The following NECTIN3 variants were observed in gnomAD, a reference collection of about 807,000 sequenced individuals.
The protein encoded by NECTIN3 is nectin-3.
In NECTIN3, 8 loss-of-function variants were observed where a neutral mutation model predicts 49.4. That is an observed-to-expected ratio of 0.16 (90% CI 0.10 to 0.29). The LOEUF (loss-of-function observed/expected upper bound fraction) is 0.29, where lower values mean the gene tolerates loss of function less well. NECTIN3 is among the 10% of genes least tolerant of loss of function. The probability of loss-of-function intolerance (pLI) is 1.00; values close to 1 mark genes in which losing one functional copy is unlikely to be tolerated. For missense variants in NECTIN3, 581 were observed against 654.6 expected (o/e 0.89, Z 1.23); for synonymous variants, 277 against 241.1 (o/e 1.15, Z -1.38).
chr3:111,191,811 TGCA>T (rs886337745), upstream of NECTIN3, among the ~76,000 whole-genome samples: 6 of 152,198 alleles, frequency 3.9e-5, no homozygotes, highest in Admixed American at 1.3e-4. Context: ...TGAGAACTTC[TGCA>T]GCAGATGTTG....
intron 1 of NECTIN3, among the ~76,000 whole-genome samples, chr3:111,109,655 C>G (rs1266253304): frequency 6.6e-6 from 1 of 151,948 alleles, no homozygotes; most frequent in East Asian, 1.9e-4. Context: ...ATAGCACATC[C>G]TATTATATAT....
At chr3:111,169,677 T>C (rs2107525834) in intron 7 of NECTIN3, among the ~76,000 whole-genome samples, 1 of 152,278 alleles carries the variant, frequency 6.6e-6, no homozygotes, top group African/African-American at 2.4e-5. Context: ...ACATTCTATT[T>C]ATCTCCTAAC....
chr3:111,105,235 C>T (rs141148745), intron 1 of NECTIN3, among the ~76,000 whole-genome samples: 3,662 of 151,478 alleles, frequency 0.024, 67 homozygotes, highest in Non-Finnish European at 0.04. Context: ...CTCTGCCTCT[C>T]AGACTCAAGC....
intron 5 of NECTIN3, 148 bp downstream of exon 5, chr3:111,126,483 T>TA (rs1559795560): frequency 1.4e-6 from 1 of 693,312 alleles, no homozygotes; most frequent in East Asian, 3.0e-5. Context: ...AGGAATATGA[T>TA]AAAATAATCC....
At chr3:111,102,375 A>T (rs2032951436) in intron 1 of NECTIN3, among the ~76,000 whole-genome samples, 1 of 152,152 alleles carries the variant, frequency 6.6e-6, no homozygotes, top group South Asian at 2.1e-4. Context: ...TAATCCTTTC[A>T]TCCTACTTCC....
At chr3:111,127,756 G>A (rs897901020) in intron 5 of NECTIN3, among the ~76,000 whole-genome samples, 1 of 151,736 alleles carries the variant, frequency 6.6e-6, no homozygotes, top group African/African-American at 2.4e-5. Context: ...TAGAGACAGG[G>A]GTGGTCTCTC....
Position 111,133,921 on chromosome 3 carries a change from A to G in NECTIN3, c.1356A>G (p.Glu452=). 1 of 1,613,972 alleles carries G rather than the reference A, an allele frequency of 6.2e-7. No homozygotes were observed. The highest frequency in any genetic ancestry group is 1.3e-5 in the African/African-American group (1 of 75,034). Residue 452 remains glutamate, a synonymous_variant, in exon 6 of 6, where the codon GAA becomes GAG. Transcript: ENST00000485303. ...TTCCACCATCAGATATGCAAAAAGAATCACAAATAGATGTTCTTCAACAAG... is the reference window on the plus strand; with the variant it reads ...TTCCACCATCAGATATGCAAAAAGAGTCACAAATAGATGTTCTTCAACAAG... ...NYIPPSDMQK[E]SQIDVLQQDE... is the part of the protein sequence containing the mutation.
chr3:111,168,285 T>TCCTATAA (rs1304766041), intron 7 of NECTIN3, among the ~76,000 whole-genome samples: 7 of 152,162 alleles, frequency 4.6e-5, no homozygotes, highest in Admixed American at 4.6e-4. Context: ...AGTAGGTTTT[T>TCCTATAA]AAAATAGGAA....
intron 1 of NECTIN3, among the ~76,000 whole-genome samples, chr3:111,100,682 TTAAA>T (rs563642812): frequency 6.8e-4 from 103 of 152,196 alleles, no homozygotes; most frequent in Non-Finnish European, 1.3e-3. Context: ...ATTTAAATAT[TTAAA>T]TAGTAATTTA....
rs569973975 is a variant in NECTIN3 at position 111,134,330 on chromosome 3, GCTTA to G, written c.*119_*122del. The G allele has an allele frequency of 3.4e-5, 49 of 1,440,560 alleles. No homozygotes were observed. In the East Asian group the frequency reaches 1.1e-3, roughly 31 times the overall value. 89.2% of individuals were successfully genotyped at this position (1,440,560 alleles called of 1,614,324 possible). On this transcript the variant is annotated 3_prime_UTR_variant, in exon 6 of 6. Coordinates refer to ENST00000485303, the MANE Select transcript of NECTIN3 (RefSeq NM_015480.3). Reference sequence around the variant, plus strand: ...TAAGCTTTTTCAAGTTGATTTTCAAGCTTACTTTTTATATTCTAATCTGACAAAT... The same window carrying G: ...TAAGCTTTTTCAAGTTGATTTTCAAGCTTTTTATATTCTAATCTGACAAAT...
chr3:111,127,664 C>T (rs1420963551), intron 5 of NECTIN3, among the ~76,000 whole-genome samples: 1 of 151,966 alleles, frequency 6.6e-6, no homozygotes, highest in Non-Finnish European at 1.5e-5. Context: ...CTCCCGGGCT[C>T]AAGCAATCCT....
chr3:111,140,839 T>C (rs2034724898), downstream of NECTIN3, among the ~76,000 whole-genome samples: 1 of 151,992 alleles, frequency 6.6e-6, no homozygotes, highest in African/African-American at 2.4e-5. Flanking sequence ...AAACACCTGA[T>C]ACTTGGACAA....
At chr3:111,080,678 C>CAA (rs11322721) in intron 1 of NECTIN3, among the ~76,000 whole-genome samples, 1 of 129,132 alleles carries the variant, frequency 7.7e-6, no homozygotes. Context: ...ATATGTCATG[C>CAA]AAAAAAAAAA....
At chr3:111,131,385 G>A (rs2107489774) in intron 5 of NECTIN3, among the ~76,000 whole-genome samples, 1 of 152,112 alleles carries the variant, frequency 6.6e-6, no homozygotes, top group Middle Eastern at 3.4e-3. Flanking sequence ...ATGAAAAATA[G>A]TCCTACCTTA....
chr3:111,124,124 T>G (rs1421716992), intron 4 of NECTIN3, among the ~76,000 whole-genome samples: 1 of 152,184 alleles, frequency 6.6e-6, no homozygotes, highest in African/African-American at 2.4e-5. Flanking sequence ...AGAAAACCTT[T>G]TTCATTTACA....
intron 1 of NECTIN3, among the ~76,000 whole-genome samples, chr3:111,101,628 ATAT>A (rs1468157962): frequency 6.6e-6 from 1 of 152,124 alleles, no homozygotes; most frequent in Non-Finnish European, 1.5e-5. Context: ...AGTGATGCAA[ATAT>A]AATGTAGCTA....
intron 5 of NECTIN3, among the ~76,000 whole-genome samples, chr3:111,129,292 T>C (rs749793060): frequency 2.0e-5 from 3 of 152,164 alleles, no homozygotes; most frequent in Non-Finnish European, 2.9e-5. Flanking sequence ...TCTTTTTCTC[T>C]TTAGCACGTA....
At chr3:111,144,697 C>T (rs186702229) in intron 5 of NECTIN3, among the ~76,000 whole-genome samples, 1 of 151,858 alleles carries the variant, frequency 6.6e-6, no homozygotes, top group Non-Finnish European at 1.5e-5. Flanking sequence ...AAAAGTTAAG[C>T]TGAGGTATTA....
At chr3:111,131,676 C>T (rs1363240301) in intron 5 of NECTIN3, among the ~76,000 whole-genome samples, 1 of 151,586 alleles carries the variant, frequency 6.6e-6, no homozygotes, top group Non-Finnish European at 1.5e-5. Context: ...GTGAAATGGA[C>T]AATAGATGAC....
Sources: gnomAD v4.1 joint callset for allele counts (sites outside exome capture counted in the v4.1 genomes callset) on GRCh38, gnomAD v4.1.1 for gene constraint, MANE v1.5 for transcripts, NCBI Gene and HGNC (gene_info 2026-07-23, HGNC 2026-07-21) for gene names.